The following TBX15 variants were observed in gnomAD, a reference collection of about 807,000 sequenced individuals.
TBX15 encodes the protein T-box transcription factor 15, also known as T-box transcription factor TBX15.
A neutral mutation model predicts 53.9 loss-of-function variants in TBX15; 18 were observed. The observed-to-expected ratio is 0.33, with a 90% CI of 0.23 to 0.49. The LOEUF is 0.49. Ranked by LOEUF, TBX15 falls within the 20% of genes least tolerant of loss-of-function variation. The probability of loss-of-function intolerance (pLI) is 0.98; values close to 1 mark genes in which losing one functional copy is unlikely to be tolerated. For synonymous variants in TBX15, 295 were observed against 278.0 expected (o/e 1.06, Z -0.61); for missense variants, 692 against 749.5 (o/e 0.92, Z 0.90).
intron 2 of TBX15, among the ~76,000 whole-genome samples, chr1:118,931,063 G>C (rs1299690997): frequency 6.6e-6 from 1 of 152,210 alleles, no homozygotes; most frequent in African/African-American, 2.4e-5. Context: ...AAGAGAAGCT[G>C]TGTTTTTAAA....
intron 1 of TBX15, among the ~76,000 whole-genome samples, chr1:118,944,886 C>T (rs536693977): frequency 5.9e-5 from 9 of 152,272 alleles, no homozygotes; most frequent in East Asian, 1.9e-4. Context: ...CCTGGGCTTG[C>T]GATTCGAGCA....
intron 1 of TBX15, among the ~76,000 whole-genome samples, chr1:118,984,494 AAATATACTTGCAAGGCCGCAGC>A (rs555893859): frequency 0.013 from 2,015 of 152,346 alleles, 21 homozygotes; most frequent in Non-Finnish European, 0.021. Flanking sequence ...CGAGCGCCTG[AAATATACTTGCAAGGCCGCAGC>A]AATATACTTG....
intron 2 of TBX15, among the ~76,000 whole-genome samples, chr1:118,927,430 CT>C (rs1655635892): frequency 6.6e-6 from 1 of 152,150 alleles, no homozygotes; most frequent in African/African-American, 2.4e-5. Flanking sequence ...AAAATAACCA[CT>C]CTAAAAATAG....
chr1:118,893,020 G>A (rs917025867), intron 7 of TBX15, among the ~76,000 whole-genome samples: 2 of 151,868 alleles, frequency 1.3e-5, no homozygotes, highest in East Asian at 3.9e-4. Context: ...ATCACTTCAG[G>A]TCAGGAGTTT....
At chr1:118,904,787 G>A (rs1654755532) in intron 6 of TBX15, among the ~76,000 whole-genome samples, 1 of 152,202 alleles carries the variant, frequency 6.6e-6, no homozygotes, top group Non-Finnish European at 1.5e-5. Context: ...CTTTAATTCA[G>A]TAATGCTAAA....
intron 6 of TBX15, among the ~76,000 whole-genome samples, chr1:118,901,960 G>T (rs1016062034): frequency 6.6e-6 from 1 of 152,096 alleles, no homozygotes; most frequent in African/African-American, 2.4e-5. Context: ...TAGTGGAATT[G>T]TGTGGGGAGG....
intron 1 of TBX15, among the ~76,000 whole-genome samples, chr1:118,986,632 G>C (rs1004970550): frequency 6.6e-6 from 1 of 152,250 alleles, no homozygotes; most frequent in African/African-American, 2.4e-5. Context: ...CCCCCTCCCC[G>C]GGCTTGTCAG....
At chr1:118,926,698 TTTGTTTGTTTTC>T in intron 2 of TBX15, 87 bp from the exon 3 acceptor site, 1 of 1,159,856 alleles carries the variant, frequency 8.6e-7, no homozygotes, top group Non-Finnish European at 1.3e-6. Context: ...GGTTTTTTTG[TTTGTTTGTTTTC>T]TTGTTTGTTT....
chr1:118,901,427 G>C (rs766471000), intron 6 of TBX15: 28 of 456,278 alleles, frequency 6.1e-5, no homozygotes, highest in Non-Finnish European at 9.7e-5. Flanking sequence ...CTGTTTTATT[G>C]CAGATTAAGT....
At chr1:118,911,596 C>T (rs1450022468) in intron 6 of TBX15, among the ~76,000 whole-genome samples, 4 of 152,210 alleles carry the variant, frequency 2.6e-5, no homozygotes, top group Non-Finnish European at 5.9e-5. Context: ...GTCTAATTCT[C>T]AAAGTTAAAG....
chr1:118,977,125 G>C (rs1657460459), intron 1 of TBX15, among the ~76,000 whole-genome samples: 2 of 152,168 alleles, frequency 1.3e-5, no homozygotes, highest in South Asian at 2.1e-4. Context: ...CATACAACTA[G>C]CAAGTGTTAA....
At chr1:118,950,717 A>G (rs1042263878) in intron 1 of TBX15, among the ~76,000 whole-genome samples, 2 of 152,196 alleles carry the variant, frequency 1.3e-5, no homozygotes, top group Non-Finnish European at 2.9e-5. Flanking sequence ...GGCCTTTATT[A>G]TTCTCTAATA....
intron 6 of TBX15, among the ~76,000 whole-genome samples, chr1:118,902,453 T>C (rs1357691814): frequency 6.6e-6 from 1 of 152,202 alleles, no homozygotes; most frequent in African/African-American, 2.4e-5. Flanking sequence ...TCAAATGATA[T>C]GCATTGAATT....
chr1:118,926,536 A>C lies in TBX15; in HGVS notation c.495T>G (p.Ile165Met), dbSNP rs1015344976. Reference sequence around the variant, plus strand: ...TGTATCTTTTATTGTCCACAGGCACAATGTCCATTGCTATGTAGTACTGCT... The same window carrying C: ...TGTATCTTTTATTGTCCACAGGCACCATGTCCATTGCTATGTAGTACTGCT... ...PHQQYYIAMD[I>M]VPVDNKRYRY... The change falls in exon 3 of 8, where the codon ATT becomes ATG. Residue 165 changes from isoleucine (I) to methionine (M), a missense_variant. Ile to Met is a conservative substitution (Grantham distance 10). Around this residue, in one of 3 missense-constraint regions of TBX15, gnomAD observed 307 missense variants for 347.5 expected, o/e 0.88. Coordinates refer to ENST00000369429, the MANE Select transcript of TBX15 (RefSeq NM_001330677.2). 1 of 1,613,882 alleles carries C rather than the reference A, an allele frequency of 6.2e-7. No individual in the cohort carries two copies.
chr1:118,977,759 G>T (rs183194987), intron 1 of TBX15, among the ~76,000 whole-genome samples: 1 of 152,334 alleles, frequency 6.6e-6, no homozygotes, highest in East Asian at 1.9e-4. Context: ...TGAATGCTAA[G>T]CTGTCTTCTG....
intron 1 of TBX15, among the ~76,000 whole-genome samples, chr1:118,984,887 C>T (rs1187397319): frequency 2.0e-5 from 3 of 152,144 alleles, no homozygotes; most frequent in Non-Finnish European, 1.5e-5. Context: ...GCTGCGGGTG[C>T]TCGGGCGCCA....
At chr1:118,886,430 T>C (rs1653947163) in intron 7 of TBX15, among the ~76,000 whole-genome samples, 1 of 152,156 alleles carries the variant, frequency 6.6e-6, no homozygotes, top group African/African-American at 2.4e-5. Flanking sequence ...AGGTTACAGT[T>C]TCTTCATCTA....
intron 7 of TBX15, among the ~76,000 whole-genome samples, chr1:118,897,237 G>T (rs1397904743): frequency 2.0e-5 from 3 of 152,158 alleles, no homozygotes; most frequent in Admixed American, 2.0e-4. Flanking sequence ...ATACATATTA[G>T]GTGGTTGTGC....
chr1:118,913,568 C>T (rs1655093400), intron 6 of TBX15, among the ~76,000 whole-genome samples: 2 of 152,162 alleles, frequency 1.3e-5, no homozygotes, highest in African/African-American at 4.8e-5. Flanking sequence ...ATAACCTAGT[C>T]ATAGTGACTG....
Sources: allele counts gnomAD v4.1 joint callset (sites outside exome capture counted in the v4.1 genomes callset), GRCh38; gene constraint gnomAD v4.1.1; regional missense constraint gnomAD v4.1.1; transcripts MANE v1.5; gene names NCBI Gene and HGNC (gene_info 2026-07-23, HGNC 2026-07-21).